The following CDH13 variants were observed in gnomAD, a reference collection of about 807,000 sequenced individuals.
The protein encoded by CDH13 is cadherin 13.
In CDH13, 24 loss-of-function variants were observed where a neutral mutation model predicts 63.8. The observed-to-expected ratio is 0.38, with a 90% CI of 0.27 to 0.53. The LOEUF (loss-of-function observed/expected upper bound fraction) is 0.53. Among genes scored for constraint, CDH13 ranks in the 20% least tolerant of loss-of-function variants. The probability of loss-of-function intolerance (pLI) is 0.85; values close to 1 mark genes in which losing one functional copy is unlikely to be tolerated. For synonymous variants in CDH13, 503 were observed against 355.3 expected (o/e 1.42, Z -4.67); for missense variants, 1,049 against 903.1 (o/e 1.16, Z -2.07).
At chr16:83,358,643 C>T (rs1427991086) in intron 6 of CDH13, among the ~76,000 whole-genome samples, 3 of 152,156 alleles carry the variant, frequency 2.0e-5, no homozygotes, top group Non-Finnish European at 4.4e-5. Flanking sequence ...TTGAGTCAAG[C>T]CACGCTTTTT....
At chr16:83,499,907 A>T (rs548113771) in intron 7 of CDH13, among the ~76,000 whole-genome samples, 2 of 152,178 alleles carry the variant, frequency 1.3e-5, no homozygotes, top group Non-Finnish European at 2.9e-5. Flanking sequence ...GGTTCAAGCA[A>T]TTCTTCTGCT....
intron 3 of CDH13, among the ~76,000 whole-genome samples, chr16:83,052,124 T>C (rs1200428882): frequency 6.6e-6 from 1 of 152,202 alleles, no homozygotes; most frequent in Non-Finnish European, 1.5e-5. Context: ...GAATGATCCG[T>C]ATGCCATGTC....
chr16:83,131,014 A>T (rs1011093091), intron 4 of CDH13, among the ~76,000 whole-genome samples: 1 of 152,204 alleles, frequency 6.6e-6, no homozygotes, highest in Non-Finnish European at 1.5e-5. Flanking sequence ...GTCTTGACTG[A>T]TACATAATTT....
At chr16:83,239,064 C>T (rs777120891) in intron 5 of CDH13, among the ~76,000 whole-genome samples, 3 of 152,210 alleles carry the variant, frequency 2.0e-5, no homozygotes, top group Non-Finnish European at 4.4e-5. Flanking sequence ...GAAGCTAACA[C>T]TCACTGTTGG....
intron 5 of CDH13, among the ~76,000 whole-genome samples, chr16:83,295,205 T>A (rs2089562976): frequency 6.6e-6 from 1 of 152,188 alleles, no homozygotes. Flanking sequence ...GACTCCTATC[T>A]GACACCATAT....
At chr16:82,748,400 G>A (rs775752164) in intron 1 of CDH13, among the ~76,000 whole-genome samples, 1 of 152,112 alleles carries the variant, frequency 6.6e-6, no homozygotes, top group Admixed American at 6.6e-5. Flanking sequence ...GTTCTTAATC[G>A]TGTGTGTGAT....
chr16:82,869,243 G>C (rs1174469380), intron 2 of CDH13, among the ~76,000 whole-genome samples: 1 of 152,044 alleles, frequency 6.6e-6, no homozygotes, highest in African/African-American at 2.4e-5. Context: ...GCAAAGTTTT[G>C]CCATGTTGGC....
chr16:83,442,201 G>A (rs78241811), intron 6 of CDH13, among the ~76,000 whole-genome samples: 2,933 of 152,240 alleles, frequency 0.019, 92 homozygotes, highest in African/African-American at 0.062. Context: ...GGCACCTATC[G>A]TTTATTTTCC....
intron 7 of CDH13, among the ~76,000 whole-genome samples, chr16:83,601,218 G>T (rs1466089311): frequency 6.6e-6 from 1 of 152,158 alleles, no homozygotes; most frequent in Non-Finnish European, 1.5e-5. Flanking sequence ...GAAATGCGGG[G>T]TGCTGCCTTA....
intron 3 of CDH13, among the ~76,000 whole-genome samples, chr16:83,063,901 T>C (rs1029945379): frequency 6.6e-6 from 1 of 152,070 alleles, no homozygotes; most frequent in Non-Finnish European, 1.5e-5. Flanking sequence ...GGGAGAGTCC[T>C]GGGAACAGTG....
intron 3 of CDH13, 108 bp downstream of exon 3, chr16:83,032,326 G>A: frequency 1.2e-6 from 1 of 816,628 alleles, no homozygotes; most frequent in Non-Finnish European, 1.9e-6. Flanking sequence ...GATTCCTTTT[G>A]TTATTGTTGT....
At position 82,627,076 on chromosome 16, in the gene CDH13, G is replaced by T. The variant is rs746979558; in HGVS notation, c.-17G>T. 1.4e-5 allele frequency: 23 copies of T among 1,593,356 alleles called. No individual in the cohort carries two copies. The highest frequency in any genetic ancestry group is 2.0e-5 in the Non-Finnish European group (23 of 1,170,016). ...TGCATGAATGAAAACGCCGCCGGGC[G>T]CTTCTAGTCGGACAAAATGCAGCCG... On this transcript the variant is annotated 5_prime_UTR_variant, in exon 1 of 14. Transcript: ENST00000567109.
intron 10 of CDH13, 146 bp downstream of exon 10, chr16:83,678,607 A>G: frequency 9.2e-7 from 1 of 1,090,222 alleles, no homozygotes; most frequent in East Asian, 2.6e-5. Flanking sequence ...CGTCATAGAG[A>G]GGAGGTTGTG....
intron 7 of CDH13, among the ~76,000 whole-genome samples, chr16:83,575,574 A>G (rs1028070813): frequency 2.6e-5 from 4 of 152,104 alleles, no homozygotes; most frequent in Admixed American, 6.5e-5. Context: ...ACCCATGCCC[A>G]TCCCAGGGCC....
chr16:82,704,030 C>T (rs1400505700), intron 1 of CDH13, among the ~76,000 whole-genome samples: 2 of 152,068 alleles, frequency 1.3e-5, no homozygotes, highest in African/African-American at 4.8e-5. Context: ...CCCTCCTTTG[C>T]AACAGTACCA....
rs753362026 is a variant in CDH13 at position 82,627,072 on chromosome 16, G to A, written c.-21G>A. The A allele has an allele frequency of 6.9e-6, 11 of 1,590,170 alleles. No homozygotes were observed. In the African/African-American group the frequency reaches 8.1e-5, roughly 12 times the overall value. ...CGCGTGCATGAATGAAAACGCCGCCGGGCGCTTCTAGTCGGACAAAATGCA... is the reference window on the plus strand; with the variant it reads ...CGCGTGCATGAATGAAAACGCCGCCAGGCGCTTCTAGTCGGACAAAATGCA... On this transcript the variant is annotated 5_prime_UTR_variant, in exon 1 of 14. Transcript: ENST00000567109.
intron 5 of CDH13, among the ~76,000 whole-genome samples, chr16:83,273,984 A>C (rs998903828): frequency 3.3e-5 from 5 of 152,084 alleles, no homozygotes; most frequent in Non-Finnish European, 7.4e-5. Context: ...TTTGCCTCTG[A>C]CCACATTGCT....
At chr16:83,422,136 T>C (rs1437218288) in intron 6 of CDH13, among the ~76,000 whole-genome samples, 1 of 152,240 alleles carries the variant, frequency 6.6e-6, no homozygotes, top group African/African-American at 2.4e-5. Flanking sequence ...AAAATTTGTT[T>C]ATCATTTGAA....
intron 1 of CDH13, among the ~76,000 whole-genome samples, chr16:82,810,783 A>G (rs867699059): frequency 6.6e-6 from 1 of 152,058 alleles, no homozygotes; most frequent in Non-Finnish European, 1.5e-5. Flanking sequence ...GAGAAGCTGG[A>G]CCATGCAGAG....
Sources: gnomAD v4.1 joint callset for allele counts (sites outside exome capture counted in the v4.1 genomes callset) on GRCh38, gnomAD v4.1.1 for gene constraint, MANE v1.5 for transcripts, NCBI Gene and HGNC (gene_info 2026-07-23, HGNC 2026-07-21) for gene names.